FBXL17: variants seen among roughly 807,000 people sequenced by gnomAD.
FBXL17 encodes the protein F-box/LRR-repeat protein 17.
Under a neutral mutation model 66.2 loss-of-function variants are expected in FBXL17, and 22 were observed. The ratio of observed to expected loss-of-function variants is 0.33; its 90% confidence interval spans 0.24 to 0.47. The LOEUF is 0.47. Among genes scored for constraint, FBXL17 ranks in the 20% least tolerant of loss-of-function variants. FBXL17 has a pLI of 1.00. For missense variants in FBXL17, 878 were observed against 948.2 expected (o/e 0.93, Z 0.97); for synonymous variants, 474 against 400.5 (o/e 1.18, Z -2.19).
intron 7 of FBXL17, among the ~76,000 whole-genome samples, chr5:107,947,177 T>C (rs1751337147): frequency 6.6e-6 from 1 of 152,188 alleles, no homozygotes; most frequent in Non-Finnish European, 1.5e-5. Flanking sequence ...ACAGGTAAAG[T>C]ACAATGGCCT....
chr5:108,248,843 AG>A (rs1019076478), intron 4 of FBXL17, among the ~76,000 whole-genome samples: 4 of 152,130 alleles, frequency 2.6e-5, no homozygotes, highest in African/African-American at 4.8e-5. Context: ...TTCTATATCC[AG>A]AAAAAAAATA....
intron 5 of FBXL17, among the ~76,000 whole-genome samples, chr5:108,192,261 T>C (rs1363782176): frequency 4.6e-5 from 7 of 152,200 alleles, no homozygotes; most frequent in Non-Finnish European, 7.3e-5. Flanking sequence ...AATTCACTGG[T>C]AGTTGTGAGT....
At chr5:107,963,578 T>C (rs1251470012) in intron 7 of FBXL17, among the ~76,000 whole-genome samples, 1 of 152,182 alleles carries the variant, frequency 6.6e-6, no homozygotes, top group Non-Finnish European at 1.5e-5. Context: ...CTAAACTTGT[T>C]TTATTTCCTT....
At position 108,370,206 on chromosome 5, in the gene FBXL17, G is replaced by GT. The variant is rs1223945558; in HGVS notation, c.994-2254dup. Among the ~76,000 whole-genome samples the GT allele has an allele frequency of 1.1e-4, 17 of 151,898 alleles. No homozygotes were observed. The East Asian group carries it at 1.2e-3, about 10-fold the overall frequency. On this transcript the variant is annotated intron_variant, in intron 1 of 8. Coordinates refer to ENST00000542267, the MANE Select transcript of FBXL17 (RefSeq NM_001163315.3). ...GCCCAGCTACGAATTGTTTTGTTTT[G>GT]TTTTTTTTCTCATTAACATTATAAC...
At chr5:108,222,041 G>T (rs1056796824) in intron 5 of FBXL17, among the ~76,000 whole-genome samples, 1 of 152,178 alleles carries the variant, frequency 6.6e-6, no homozygotes, top group African/African-American at 2.4e-5. Flanking sequence ...GATTCTGATT[G>T]TTGATAGACC....
In FBXL17 at chr5:108,381,718, G is replaced by C; in HGVS notation, c.-27C>G. 7.0e-7 allele frequency: 1 copy of C among 1,421,894 alleles called. No individual in the cohort carries two copies. The highest frequency in any genetic ancestry group is 1.4e-5 in the South Asian group (1 of 69,194). 88.1% of individuals were successfully genotyped at this position (1,421,894 alleles called of 1,614,324 possible). On this transcript the variant is annotated 5_prime_UTR_variant, in exon 1 of 9. Coordinates refer to ENST00000542267, the MANE Select transcript of FBXL17 (RefSeq NM_001163315.3). Reference sequence around the variant, plus strand: ...TAGAAGGCCCCGAGGAGGGGGACCGGGACGGGAGGGAGGGAGACCCAGAGA... The same window carrying C: ...TAGAAGGCCCCGAGGAGGGGGACCGCGACGGGAGGGAGGGAGACCCAGAGA...
intron 6 of FBXL17, among the ~76,000 whole-genome samples, chr5:108,094,249 C>T (rs1749290282): frequency 6.6e-6 from 1 of 152,032 alleles, no homozygotes; most frequent in East Asian, 1.9e-4. Context: ...AAAGGTAGAA[C>T]ATGAGGGAAA....
At chr5:108,379,882 A>T (rs1484891669) in intron 1 of FBXL17, among the ~76,000 whole-genome samples, 1 of 152,238 alleles carries the variant, frequency 6.6e-6, no homozygotes, top group Non-Finnish European at 1.5e-5. Flanking sequence ...CAAAAAATAC[A>T]TCTGTGCTTA....
At chr5:108,240,727 A>G (rs1014065103) in intron 4 of FBXL17, among the ~76,000 whole-genome samples, 2 of 152,168 alleles carry the variant, frequency 1.3e-5, no homozygotes, top group Admixed American at 1.3e-4. Flanking sequence ...CAGTAGCCAG[A>G]CAGTGATTAT....
At chr5:107,991,711 A>T (rs1753257196) in intron 7 of FBXL17, among the ~76,000 whole-genome samples, 1 of 152,198 alleles carries the variant, frequency 6.6e-6, no homozygotes, top group African/African-American at 2.4e-5. Context: ...GCCCTTTCAG[A>T]TCTAAGTTTC....
chr5:108,380,890 C>T lies in FBXL17; in HGVS notation c.802G>A (p.Glu268Lys). 1 of 1,238,068 alleles carries T rather than the reference C, an allele frequency of 8.1e-7. No homozygotes were observed. The allele number at this position is 1,238,068 out of a possible 1,614,324, so 76.7% of individuals were successfully genotyped here. A position where few individuals can be genotyped will look rare whatever the true frequency, so the allele number is the denominator to read the frequency against. Residue 268 changes from glutamate (E) to lysine (K), a missense_variant, in exon 1 of 9, where the codon GAA becomes AAA. Glu to Lys is a moderately conservative substitution (Grantham distance 56). Coordinates refer to ENST00000542267, the MANE Select transcript of FBXL17 (RefSeq NM_001163315.3). ...CCGCCAGCTTCGGTGGGGGCACCTT[C>T]GGAGGTGGGAGAAGAGGGCGGAGGG... ...LCPPPSSPTSEGAPTEAGGDA... is the reference protein window; with the variant it reads ...LCPPPSSPTSKGAPTEAGGDA...
chr5:108,158,213 T>C (rs778557128), intron 6 of FBXL17, among the ~76,000 whole-genome samples: 8 of 152,070 alleles, frequency 5.3e-5, no homozygotes, highest in Non-Finnish European at 8.8e-5. Context: ...AGATGATCAA[T>C]TATAAAATTA....
chr5:108,035,420 G>C (rs536535375), intron 6 of FBXL17, among the ~76,000 whole-genome samples: 56 of 152,134 alleles, frequency 3.7e-4, no homozygotes, highest in African/African-American at 1.3e-3. Flanking sequence ...AGGCTGGAGT[G>C]CAATGGCGTG....
At position 108,034,988 on chromosome 5, in the gene FBXL17, C is replaced by T. The variant is rs146278922; in HGVS notation, c.1746-13987G>A. On this transcript the variant is annotated intron_variant, in intron 6 of 8. Transcript: ENST00000542267. ...AGCAATGAAAGACTATTCACAGGAA[C>T]CCTTCCCCCAATAAACATTACATAA... Among the ~76,000 whole-genome samples, 180 of 152,220 alleles carry T rather than the reference C, an allele frequency of 1.2e-3. 1 individual carries two copies. In the Middle Eastern group the frequency reaches 0.017, roughly 14 times the overall value.
rs1336153867 is a variant in FBXL17, at chr5:108,381,326, G to C, written c.366C>G (p.Ser122=). The C allele has an allele frequency of 1.4e-6, 2 of 1,384,038 alleles. No individual in the cohort carries two copies. The highest frequency in any genetic ancestry group is 3.1e-5 in the African/African-American group (2 of 65,250). The allele number at this position is 1,384,038 out of a possible 1,614,324, so 85.7% of individuals were successfully genotyped here. Reference sequence around the variant, plus strand: ...CAGCGGCGGCGGCGGCGGCGGCCGAGGATAGCAGGAAGCGGCGGGCAGCAG... The same window carrying C: ...CAGCGGCGGCGGCGGCGGCGGCCGACGATAGCAGGAAGCGGCGGGCAGCAG... ...CAAAARRFLL[S]SAAAAAAAAA... The change falls in exon 1 of 9, where the codon TCC becomes TCG. Residue 122 remains serine (S), a synonymous_variant. Coordinates refer to ENST00000542267, the MANE Select transcript of FBXL17 (RefSeq NM_001163315.3).
chr5:108,131,193 C>T (rs1750919028), intron 6 of FBXL17, among the ~76,000 whole-genome samples: 1 of 152,134 alleles, frequency 6.6e-6, no homozygotes, highest in African/African-American at 2.4e-5. Context: ...TTCCTGGTTA[C>T]ATTAAAAGGC....
rs562201837 is a variant in FBXL17 at position 108,316,372 on chromosome 5, T to A, written c.1506+32027A>T. ...TTCTAAGTTCTTATGAAATTACTCCTACAACTATAAATTACTTCTGTTCTA... is the reference window on the plus strand; with the variant it reads ...TTCTAAGTTCTTATGAAATTACTCCAACAACTATAAATTACTTCTGTTCTA... On this transcript the variant is annotated intron_variant, in intron 4 of 8. Transcript: ENST00000542267. Among the ~76,000 whole-genome samples, 322 of 151,576 alleles carry A rather than the reference T, an allele frequency of 2.1e-3. 1 individual carries two copies. Among genetic ancestry groups the A allele is most frequent in the African/African-American group, 7.5e-3 (313 of 41,508 alleles).
At chr5:107,897,025 C>T (rs937849809) in intron 7 of FBXL17, among the ~76,000 whole-genome samples, 2 of 151,870 alleles carry the variant, frequency 1.3e-5, no homozygotes, top group Admixed American at 1.3e-4. Context: ...GATGAAGGAT[C>T]TAAATATGGT....
chr5:107,906,602 C>T (rs1749765470), intron 7 of FBXL17, among the ~76,000 whole-genome samples: 1 of 152,114 alleles, frequency 6.6e-6, no homozygotes. Context: ...GACTGGAGTC[C>T]AGGTCTGTCT....
Sources: allele counts gnomAD v4.1 joint callset (sites outside exome capture counted in the v4.1 genomes callset), GRCh38; gene constraint gnomAD v4.1.1; transcripts MANE v1.5; gene names NCBI Gene and HGNC (gene_info 2026-07-23, HGNC 2026-07-21).